Variants in CCNA2 observed in about 807,000 individuals in gnomAD.
CCNA2 encodes the protein cyclin A2, also known as cyclin-A2.
In CCNA2, 3 loss-of-function variants were observed where a neutral mutation model predicts 49.4. The observed-to-expected ratio is 0.06, with a 90% confidence interval of 0.03 to 0.16. The LOEUF (loss-of-function observed/expected upper bound fraction) is 0.16, where lower values mean the gene tolerates loss of function less well. Among genes scored for constraint, CCNA2 ranks in the 10% least tolerant of loss-of-function variants. The pLI, the probability that CCNA2 is intolerant of heterozygous loss-of-function variation, is 1.00. For missense variants in CCNA2, 372 were observed against 519.7 expected (o/e 0.72, Z 2.76); for synonymous variants, 206 against 197.2 (o/e 1.04, Z -0.37).
At chr4:121,823,333 T>C in intron 1 of CCNA2, 83 bp downstream of exon 1, 3 of 1,463,576 alleles carry the variant, frequency 2.0e-6, no homozygotes, top group South Asian at 1.4e-5. Context: ...AGGACATGCC[T>C]TCTCGCCACT....
chr4:121,820,832 CCATT>C lies in CCNA2; in HGVS notation c.571-71_571-68del. The C allele has an allele frequency of 7.8e-7, 1 of 1,282,574 alleles. No individual in the cohort carries two copies. The highest frequency in any genetic ancestry group is 1.1e-6 in the Non-Finnish European group (1 of 902,080). The allele number at this position is 1,282,574 out of a possible 1,614,324, so 79.4% of individuals were successfully genotyped here. A position where few individuals can be genotyped will look rare whatever the true frequency, so the allele number is the denominator to read the frequency against. ...TAAAAACTGCAATTAGATTATTTTACCATTAATTACGAGAGGCTACATGCTATAA... is the reference window on the plus strand; with the variant it reads ...TAAAAACTGCAATTAGATTATTTTACAATTACGAGAGGCTACATGCTATAA... On this transcript the variant is annotated intron_variant, in intron 3 of 7. Transcript: ENST00000274026. This position sits in a 1 kb window ranked among gnomAD's most constrained non-coding sequence, Gnocchi z 4.1.
intron 6 of CCNA2, 108 bp from the exon 7 acceptor site, chr4:121,818,285 CTT>C (rs1467390470): frequency 2.1e-6 from 2 of 951,768 alleles, no homozygotes; most frequent in Non-Finnish European, 3.1e-6. Context: ...TAATCTTTAA[CTT>C]TTCCAACTAC....
In CCNA2 at chr4:121,822,623, A is replaced by G; in HGVS notation, c.237T>C (p.Pro79=). ...TRRVAPLKDL[P]VNDEHVTVPP... ...GAACGGTGACATGCTCATCATTTAC[A>G]GGAAGATCCTTAAGGGGTGCAACCT... Residue 79 remains proline (P), a synonymous_variant, in exon 2 of 8, where the codon CCT becomes CCC. Transcript: ENST00000274026. 1 of 1,614,090 alleles carries G rather than the reference A, an allele frequency of 6.2e-7. No individual in the cohort carries two copies. Among genetic ancestry groups the G allele is most frequent in the Non-Finnish European group, 8.5e-7 (1 of 1,180,012 alleles).
intron 5 of CCNA2, among the ~76,000 whole-genome samples, 179 bp downstream of exon 5, chr4:121,819,193 A>G (rs1724629801): frequency 6.6e-6 from 1 of 152,200 alleles, no homozygotes; most frequent in South Asian, 2.1e-4. Context: ...CTTTCCTGAT[A>G]TAGATTATCT....
Position 121,823,605 on chromosome 4 carries a change from C to A in CCNA2, c.24G>T (p.Gly8=). ...CCGAGCCCGCCTCGCGGGTCGCAGG[C>A]CCCGGCGCAGAGTTGCCCAACATCA... is the stretch of plus-strand genomic sequence containing the variant. MLGNSAP[G]PATREAGSAL... Residue 8 remains glycine, a synonymous_variant, in exon 1 of 8, where the codon GGG becomes GGT. Coordinates refer to ENST00000274026, the MANE Select transcript of CCNA2 (RefSeq NM_001237.5). 6.3e-6 allele frequency: 10 copies of A among 1,598,862 alleles called. No homozygotes were observed. The highest frequency in any genetic ancestry group is 8.5e-6 in the Non-Finnish European group (10 of 1,175,826).
At chr4:121,821,220 C>A in intron 2 of CCNA2, 129 bp from the exon 3 acceptor site, 1 of 1,146,206 alleles carries the variant, frequency 8.7e-7, no homozygotes, top group Non-Finnish European at 1.2e-6. Context: ...AAGAGCTTCT[C>A]ATGACAAAAT....
In CCNA2 at chr4:121,823,847, A is replaced by G; in HGVS notation, c.-219T>C. The G allele has an allele frequency of 1.3e-6, 1 of 787,350 alleles. No individual in the cohort carries two copies. The highest frequency in any genetic ancestry group is 1.9e-6 in the Non-Finnish European group (1 of 533,628). 48.8% of individuals were successfully genotyped at this position (787,350 alleles called of 1,614,324 possible). On this transcript the variant is annotated 5_prime_UTR_variant, in exon 1 of 8. Transcript: ENST00000274026. ...CAGGCAGGCACTGCCCAGCGTGGCGAGCCAAAGACGCCCAGAGATGCAGCG... is the reference window on the plus strand; with the variant it reads ...CAGGCAGGCACTGCCCAGCGTGGCGGGCCAAAGACGCCCAGAGATGCAGCG...
chr4:121,817,659 T>G lies in CCNA2; in HGVS notation c.1278A>C (p.Pro426=). ...ATTGTTACAGATTTAGTGTCTCTGG[T>G]GGGTTGAGGAGAGAAACACCATGAT... ...SKYHGVSLLN[P]PETLNL Residue 426 remains proline, a synonymous_variant, in exon 8 of 8, where the codon CCA becomes CCC. Coordinates refer to ENST00000274026, the MANE Select transcript of CCNA2 (RefSeq NM_001237.5). 1 of 1,613,886 alleles carries G rather than the reference T, an allele frequency of 6.2e-7. No homozygotes were observed. Among genetic ancestry groups the G allele is most frequent in the Non-Finnish European group, 8.5e-7 (1 of 1,179,912 alleles).
In CCNA2 at chr4:121,822,608, A is replaced by C; in HGVS notation, c.252T>G (p.His84Gln). ...TTGCTTTCCAAGGAGGAACGGTGAC[A>C]TGCTCATCATTTACAGGAAGATCCT... The part of the protein sequence containing the change: ...PLKDLPVNDE[H>Q]VTVPPWKANS... The change falls in exon 2 of 8, where the codon CAT becomes CAG. Residue 84 changes from histidine to glutamine, a missense_variant. Transcript: ENST00000274026. The C allele has an allele frequency of 6.2e-7, 1 of 1,614,096 alleles. No individual in the cohort carries two copies. The highest frequency in any genetic ancestry group is 8.5e-7 in the Non-Finnish European group (1 of 1,179,998).
In CCNA2 at chr4:121,818,136, A is replaced by C. The variant is rs1179916851; in HGVS notation, c.1158T>G (p.Ser386Arg). ...LIRKTGYTLESLKPCLMDLHQ... is the reference protein window; with the variant it reads ...LIRKTGYTLERLKPCLMDLHQ... ...GAAGGTCCATGAGACAAGGCTTAAGACTTTCCAGGGTATATCCAGTCTTTC... is the reference window on the plus strand; with the variant it reads ...GAAGGTCCATGAGACAAGGCTTAAGCCTTTCCAGGGTATATCCAGTCTTTC... Residue 386 changes from serine (S) to arginine (R), a missense_variant, in exon 7 of 8, where the codon AGT becomes AGG. Ser to Arg is a moderately radical substitution (Grantham distance 110). This residue lies in a region of CCNA2 where 155 missense variants were observed against 288.1 expected (regional missense o/e 0.54). Coordinates refer to ENST00000274026, the MANE Select transcript of CCNA2 (RefSeq NM_001237.5). The C allele has an allele frequency of 6.2e-7, 1 of 1,613,654 alleles. No homozygotes were observed. Among genetic ancestry groups the C allele is most frequent in the Admixed American group, 1.7e-5 (1 of 60,000 alleles).
chr4:121,821,727 T>A (rs901437358), intron 2 of CCNA2, among the ~76,000 whole-genome samples: 1 of 152,166 alleles, frequency 6.6e-6, no homozygotes, highest in African/African-American at 2.4e-5. Context: ...ACACACAAAT[T>A]ATTATTTCCA....
In CCNA2 at chr4:121,817,010, C is replaced by A. The variant is rs1724546917; in HGVS notation, c.*628G>T. 1.2e-5 allele frequency: 9 copies of A among 723,906 alleles called. No individual in the cohort carries two copies. The highest frequency in any genetic ancestry group is 1.5e-5 in the Non-Finnish European group (7 of 471,378). The allele number at this position is 723,906 out of a possible 1,614,324, so 44.8% of individuals were successfully genotyped here. A position where few individuals can be genotyped will look rare whatever the true frequency, so the allele number is the denominator to read the frequency against. ...TTTTAATGTGCTTTAAAATAATAAACCTTCTGGAGCATTTCTCGTCTGTTA... is the reference window on the plus strand; with the variant it reads ...TTTTAATGTGCTTTAAAATAATAAAACTTCTGGAGCATTTCTCGTCTGTTA... On this transcript the variant is annotated 3_prime_UTR_variant, in exon 8 of 8. Transcript: ENST00000274026.
chr4:121,816,975 AGTT>A lies in CCNA2; in HGVS notation c.*660_*662del. On this transcript the variant is annotated 3_prime_UTR_variant, in exon 8 of 8. Transcript: ENST00000274026. ...TAAAATCTAGCAGGATTTTAAAAAT[AGTT>A]TTTTGTTTTTAATGTGCTTTAAAAT... 9.2e-7 allele frequency: 1 copy of A among 1,085,572 alleles called. No individual in the cohort carries two copies. 67.2% of individuals were successfully genotyped at this position (1,085,572 alleles called of 1,614,324 possible). A position where few individuals can be genotyped will look rare whatever the true frequency, so the allele number is the denominator to read the frequency against.
chr4:121,822,518 T>G lies in CCNA2; in HGVS notation c.342A>C (p.Pro114=), dbSNP rs1304102025. 2 of 1,614,102 alleles carry G rather than the reference T, an allele frequency of 1.2e-6. No homozygotes were observed. The highest frequency in any genetic ancestry group is 1.7e-6 in the Non-Finnish European group (2 of 1,180,050). The part of the protein sequence containing the change: ...DEAEKEAQKK[P]AESQKIERED... ...CACGCTCTATTTTTTGAGATTCAGC[T>G]GGCTTCTTCTGAGCTTCTTTTTCTG... The change falls in exon 2 of 8, where the codon CCA becomes CCC. Residue 114 remains proline (P), a synonymous_variant. Coordinates refer to ENST00000274026, the MANE Select transcript of CCNA2 (RefSeq NM_001237.5).
chr4:121,820,288 T>G lies in CCNA2; in HGVS notation c.794+254A>C, dbSNP rs755179571. Among the ~76,000 whole-genome samples the G allele has an allele frequency of 2.6e-5, 4 of 152,182 alleles. No individual in the cohort carries two copies. Among genetic ancestry groups the G allele is most frequent in the African/African-American group, 9.7e-5 (4 of 41,442 alleles). The stretch of plus-strand genomic sequence containing the variant: ...ACTGCTTATATGCCAGAAAGTAATA[T>G]TGGAAGGAAAATGTTTTAAAATTTG... On this transcript the variant is annotated intron_variant, in intron 4 of 7. Coordinates refer to ENST00000274026, the MANE Select transcript of CCNA2 (RefSeq NM_001237.5). This position sits in a 1 kb window ranked among gnomAD's most constrained non-coding sequence, Gnocchi z 4.1.
chr4:121,817,557 A>AAATT lies in CCNA2; in HGVS notation c.*77_*80dup. On this transcript the variant is annotated 3_prime_UTR_variant, in exon 8 of 8. Coordinates refer to ENST00000274026, the MANE Select transcript of CCNA2 (RefSeq NM_001237.5). Reference sequence around the variant, plus strand: ...ACTTCTGTATTCAGAAATGATTGTAAAATTAAAACCTAAGTTAAAAACTGT... The same window carrying AAATT: ...ACTTCTGTATTCAGAAATGATTGTAAAATTAATTAAAACCTAAGTTAAAAACTGT... 2.6e-6 allele frequency: 4 copies of AAATT among 1,547,780 alleles called. No individual in the cohort carries two copies. Among genetic ancestry groups the AAATT allele is most frequent in the Non-Finnish European group, 3.5e-6 (4 of 1,135,546 alleles).
chr4:121,821,160 G>A, intron 2 of CCNA2, 69 bp from the exon 3 acceptor site: 1 of 1,526,710 alleles, frequency 6.6e-7, no homozygotes, highest in Non-Finnish European at 8.8e-7. Context: ...AAAAATGACT[G>A]CCATGGAAGG....
At position 121,818,325 on chromosome 4, in the gene CCNA2, C is replaced by T. The variant is rs769250; in HGVS notation, c.1117-148G>A. The T allele has an allele frequency of 6.6e-4, 485 of 738,560 alleles. 1 individual carries two copies. The highest frequency in any genetic ancestry group is 3.1e-3 in the Middle Eastern group (10 of 3,232). 45.8% of individuals were successfully genotyped at this position (738,560 alleles called of 1,614,324 possible). ...GTTTTCTCAGGCCATTATTCCATCCCTCGATCCATTTTCTACTACTTTCCC... is the reference window on the plus strand; with the variant it reads ...GTTTTCTCAGGCCATTATTCCATCCTTCGATCCATTTTCTACTACTTTCCC... On this transcript the variant is annotated intron_variant, in intron 6 of 7. Transcript: ENST00000274026.
intron 6 of CCNA2, 32 bp downstream of exon 6, chr4:121,818,768 C>A: frequency 7.9e-7 from 1 of 1,273,426 alleles, no homozygotes; most frequent in East Asian, 2.3e-5. Flanking sequence ...ATTTCAGTCA[C>A]AAGATAGGTG....
Sources: gnomAD v4.1 joint callset for allele counts (sites outside exome capture counted in the v4.1 genomes callset) on GRCh38, gnomAD v4.1.1 for gene constraint, gnomAD v4.1.1 regional missense constraint, Gnocchi (gnomAD v3.1) non-coding constraint, MANE v1.5 for transcripts, NCBI Gene and HGNC (gene_info 2026-07-23, HGNC 2026-07-21) for gene names.